IL1R1: variants seen among roughly 807,000 people sequenced by gnomAD.
IL1R1 encodes interleukin-1 receptor type 1.
In IL1R1, 22 loss-of-function variants were observed where a neutral mutation model predicts 50.2. The observed-to-expected ratio is 0.44, with a 90% CI of 0.31 to 0.63. IL1R1 has a LOEUF of 0.63. Ranked by LOEUF, IL1R1 falls within the 20% of genes least tolerant of loss-of-function variation. IL1R1 has a pLI of 0.07. For synonymous variants in IL1R1, 251 were observed against 236.7 expected (o/e 1.06, Z -0.55); for missense variants, 509 against 676.2 (o/e 0.75, Z 2.74).
At chr2:102,120,588 A>C (rs961953564) in intron 1 of IL1R1, among the ~76,000 whole-genome samples, 2 of 152,198 alleles carry the variant, frequency 1.3e-5, no homozygotes, top group African/African-American at 4.8e-5. Context: ...TGTCACACAG[A>C]GGCAGGCAAC....
At chr2:102,097,611 C>T (rs996138505) in intron 1 of IL1R1, among the ~76,000 whole-genome samples, 21 of 151,920 alleles carry the variant, frequency 1.4e-4, no homozygotes, top group Non-Finnish European at 2.9e-5. Context: ...CCAAGAGTGA[C>T]TTTAAGCCAA....
intron 1 of IL1R1, among the ~76,000 whole-genome samples, chr2:102,073,812 C>A (rs1481847243): frequency 6.6e-6 from 1 of 151,992 alleles, no homozygotes; most frequent in Non-Finnish European, 1.5e-5. Context: ...AGAGAAGAGG[C>A]AAAAAGCAAC....
intron 1 of IL1R1, among the ~76,000 whole-genome samples, chr2:102,109,152 T>C (rs897097145): frequency 2.0e-5 from 3 of 152,124 alleles, no homozygotes; most frequent in Non-Finnish European, 2.9e-5. Flanking sequence ...GCTGGAATTA[T>C]GACGCAGACA....
intron 1 of IL1R1, among the ~76,000 whole-genome samples, chr2:102,143,509 C>G (rs1346166519): frequency 2.0e-5 from 3 of 152,218 alleles, no homozygotes; most frequent in Non-Finnish European, 4.4e-5. Context: ...TTATTTACAA[C>G]AGTCATGCCC....
chr2:102,146,815 C>T (rs1049677691), intron 1 of IL1R1, among the ~76,000 whole-genome samples: 2 of 152,176 alleles, frequency 1.3e-5, no homozygotes, highest in African/African-American at 2.4e-5. Flanking sequence ...AGCAGAACTG[C>T]CTGTGTTGTT....
At chr2:102,137,214 T>C (rs1682395609) in intron 1 of IL1R1, among the ~76,000 whole-genome samples, 1 of 152,182 alleles carries the variant, frequency 6.6e-6, no homozygotes, top group African/African-American at 2.4e-5. Flanking sequence ...CGGTACAAGA[T>C]AAGCCATGGA....
At chr2:102,115,579 G>A (rs1254991612) in intron 1 of IL1R1, among the ~76,000 whole-genome samples, 1 of 152,206 alleles carries the variant, frequency 6.6e-6, no homozygotes, top group African/African-American at 2.4e-5. Flanking sequence ...CCATCAGAGA[G>A]GGGGAGATGA....
upstream of IL1R1, among the ~76,000 whole-genome samples, chr2:102,103,261 C>T (rs1473867569): frequency 3.9e-5 from 6 of 152,250 alleles, no homozygotes; most frequent in Admixed American, 3.9e-4. Flanking sequence ...AGAGAAGGCA[C>T]AGGTTCAGAG....
chr2:102,133,438 C>T (rs1682157634), intron 1 of IL1R1, among the ~76,000 whole-genome samples: 1 of 152,104 alleles, frequency 6.6e-6, no homozygotes, highest in Non-Finnish European at 1.5e-5. Flanking sequence ...ACCCAGATAT[C>T]AAAACCAAAC....
chr2:102,142,772 G>C lies in IL1R1; in HGVS notation c.-332G>C, dbSNP rs1279046635. 1 of 149,152 alleles carries C rather than the reference G, an allele frequency of 6.7e-6. No individual in the cohort carries two copies. Among genetic ancestry groups the C allele is most frequent in the African/African-American group, 2.4e-5 (1 of 41,060 alleles). The allele number at this position is 149,152 out of a possible 1,614,324, so 9.2% of individuals were successfully genotyped here. A position where few individuals can be genotyped will look rare whatever the true frequency, so the allele number is the denominator to read the frequency against. ...GTTCCCGGCCGCGAGGGCGGGCGCAGCTTGTGGCCGGCGGCCGGAGCCGAC... is the reference window on the plus strand; with the variant it reads ...GTTCCCGGCCGCGAGGGCGGGCGCACCTTGTGGCCGGCGGCCGGAGCCGAC... On this transcript the variant is annotated 5_prime_UTR_variant, in exon 1 of 12. Coordinates refer to ENST00000410023, the MANE Select transcript of IL1R1 (RefSeq NM_000877.4).
chr2:102,123,016 TG>T (rs1291978144), intron 1 of IL1R1, among the ~76,000 whole-genome samples: 1 of 152,238 alleles, frequency 6.6e-6, no homozygotes, highest in African/African-American at 2.4e-5. Context: ...TCAGGGAAAT[TG>T]GTTTACTTTA....
At chr2:102,075,497 T>C (rs1307677682) in intron 1 of IL1R1, among the ~76,000 whole-genome samples, 1 of 152,156 alleles carries the variant, frequency 6.6e-6, no homozygotes, top group African/African-American at 2.4e-5. Context: ...TGATTACCAG[T>C]TATTTGAAAA....
At chr2:102,169,690 G>A (rs1409297497) in intron 7 of IL1R1, among the ~76,000 whole-genome samples, 1 of 152,216 alleles carries the variant, frequency 6.6e-6, no homozygotes, top group African/African-American at 2.4e-5. Flanking sequence ...GGCCAATTCT[G>A]TACTTGTTAT....
upstream of IL1R1, among the ~76,000 whole-genome samples, chr2:102,104,182 G>C (rs1404751369): frequency 6.6e-6 from 1 of 152,036 alleles, no homozygotes. Context: ...CAGGAGTGGT[G>C]GCCACCATGA....
At chr2:102,119,430 T>G (rs1360211316) in intron 1 of IL1R1, among the ~76,000 whole-genome samples, 2 of 152,248 alleles carry the variant, frequency 1.3e-5, no homozygotes, top group Non-Finnish European at 2.9e-5. Context: ...TACATGAGAT[T>G]AACTTCTGGA....
chr2:102,120,128 C>T (rs7557377), intron 1 of IL1R1, among the ~76,000 whole-genome samples: 35,973 of 151,924 alleles, frequency 0.24, 6,347 homozygotes, highest in African/African-American at 0.49. Flanking sequence ...GACCTACAGC[C>T]CTCAGTGGTC....
At chr2:102,082,717 C>T (rs569333872) in intron 1 of IL1R1, among the ~76,000 whole-genome samples, 2 of 152,218 alleles carry the variant, frequency 1.3e-5, no homozygotes, top group Non-Finnish European at 1.5e-5. Context: ...ATATTTCAAG[C>T]GAGCATGCCA....
chr2:102,145,843 G>T (rs1683071115), intron 1 of IL1R1, among the ~76,000 whole-genome samples: 1 of 152,108 alleles, frequency 6.6e-6, no homozygotes, highest in South Asian at 2.1e-4. Context: ...GCTGGGCACG[G>T]GTATTTTCAA....
chr2:102,153,632 G>A lies in IL1R1; in HGVS notation c.-83-309G>A, dbSNP rs555972126. On this transcript the variant is annotated intron_variant, in intron 1 of 11. Coordinates refer to ENST00000410023, the MANE Select transcript of IL1R1 (RefSeq NM_000877.4). ...TTTTTCCTATGCTGTTCTCATGATA[G>A]TGAGTGAATTCTCATGAGATCTGAT... Among the ~76,000 whole-genome samples the A allele has an allele frequency of 4.6e-5, 7 of 152,286 alleles. No homozygotes were observed. The South Asian group carries it at 1.4e-3, about 32-fold the overall frequency.
Sources: allele counts gnomAD v4.1 joint callset (sites outside exome capture counted in the v4.1 genomes callset), GRCh38; gene constraint gnomAD v4.1.1; transcripts MANE v1.5; gene names NCBI Gene and HGNC (gene_info 2026-07-23, HGNC 2026-07-21).